The following PIEZO2 variants were observed in gnomAD, a reference collection of about 807,000 sequenced individuals.
PIEZO2 encodes piezo-type mechanosensitive ion channel component 2.
PIEZO2 carries 172 observed loss-of-function variants against 337.3 expected under a neutral mutation model. The observed-to-expected ratio is 0.51, with a 90% confidence interval of 0.45 to 0.58. PIEZO2 has a LOEUF of 0.58. Ranked by LOEUF, PIEZO2 falls within the 20% of genes least tolerant of loss-of-function variation. PIEZO2 has a pLI of 0.00. For synonymous variants in PIEZO2, 1,251 were observed against 1,228.5 expected (o/e 1.02, Z -0.38); for missense variants, 3,028 against 3,391.3 (o/e 0.89, Z 2.66).
chr18:10,702,199 A>G (rs1448311951), intron 42 of PIEZO2, 28 bp from the exon 43 acceptor site: 2 of 1,523,986 alleles, frequency 1.3e-6, no homozygotes, highest in African/African-American at 1.4e-5. Context: ...AAATTTTAAA[A>G]CATTACTCCT....
chr18:10,998,103 A>G (rs1283800679), intron 2 of PIEZO2, among the ~76,000 whole-genome samples: 1 of 152,210 alleles, frequency 6.6e-6, no homozygotes, highest in Non-Finnish European at 1.5e-5. Context: ...ACAGTGGAAC[A>G]ATATCTTTAA....
At chr18:11,030,919 G>A (rs1465125963) in intron 2 of PIEZO2, among the ~76,000 whole-genome samples, 1 of 152,196 alleles carries the variant, frequency 6.6e-6, no homozygotes, top group Non-Finnish European at 1.5e-5. Flanking sequence ...GTATTTATAT[G>A]ATTAGATTAG....
At chr18:11,141,170 C>T (rs543325118) in intron 1 of PIEZO2, among the ~76,000 whole-genome samples, 1 of 152,170 alleles carries the variant, frequency 6.6e-6, no homozygotes, top group Admixed American at 6.5e-5. Flanking sequence ...TCAAGAAGAA[C>T]AGAATTGTCT....
Position 10,855,364 on chromosome 18 carries a change from G to A in PIEZO2, c.906C>T (p.Asp302=), listed in dbSNP as rs757300372. The A allele has an allele frequency of 6.5e-7, 1 of 1,533,824 alleles. No individual in the cohort carries two copies. The highest frequency in any genetic ancestry group is 1.2e-5 in the South Asian group (1 of 83,988). The change falls in exon 7 of 56, where the codon GAC becomes GAT. Residue 302 remains aspartate, a synonymous_variant. Transcript: ENST00000674853. This position sits in a 1 kb window ranked among gnomAD's most constrained non-coding sequence, Gnocchi z 4.9. The part of the protein sequence containing the change: ...QFFQEAVPPN[D]YYARLFGIKS... ...AGGATTTCTCTTACCTTGCATAGTA[G>A]TCATTGGGTGGAACTGCCTCTTGAA...
chr18:11,108,676 T>C (rs960264251), intron 1 of PIEZO2, among the ~76,000 whole-genome samples: 2 of 143,022 alleles, frequency 1.4e-5, no homozygotes, highest in Admixed American at 1.4e-4. Flanking sequence ...GTTTATAACA[T>C]ATTTTCATAT....
rs2040260921 is a variant in PIEZO2 at position 11,128,925 on chromosome 18, ATTGAT to A, written c.64+19595_64+19599del. ...CAAAGAGTTGGATCAGCCTGAATTTATTGATTTGGGTCCACTAAGTAAGGACTCAG... is the reference window on the plus strand; with the variant it reads ...CAAAGAGTTGGATCAGCCTGAATTTATTGGGTCCACTAAGTAAGGACTCAG... On this transcript the variant is annotated intron_variant, in intron 1 of 55. Coordinates refer to ENST00000674853, the MANE Select transcript of PIEZO2 (RefSeq NM_001378183.1). The surrounding 1 kb of genome is among the most constrained non-coding windows in gnomAD (Gnocchi z 4.1). 1.3e-5 allele frequency among the ~76,000 whole-genome samples: 2 copies of A among 152,320 alleles called. No individual in the cohort carries two copies. Among genetic ancestry groups the A allele is most frequent in the South Asian group, 4.1e-4 (2 of 4,826 alleles).
At chr18:10,812,787 G>A (rs1349680140) in intron 7 of PIEZO2, among the ~76,000 whole-genome samples, 1 of 152,096 alleles carries the variant, frequency 6.6e-6, no homozygotes, top group African/African-American at 2.4e-5. Context: ...CAGGGCACTT[G>A]TTTCTGCTCG....
At chr18:10,696,360 G>C in intron 46 of PIEZO2, 32 bp downstream of exon 46, 4 of 1,614,128 alleles carry the variant, frequency 2.5e-6, no homozygotes, top group Non-Finnish European at 3.4e-6. Context: ...CCATGGGTCA[G>C]GGCGGGTGCT....
At chr18:10,770,414 A>C in intron 20 of PIEZO2, 106 bp from the exon 21 acceptor site, 3 of 1,177,080 alleles carry the variant, frequency 2.5e-6, no homozygotes, top group Middle Eastern at 2.2e-4. Flanking sequence ...CAAAATAATT[A>C]CAGTGGATGA....
chr18:11,079,104 T>C (rs549687569), intron 1 of PIEZO2, among the ~76,000 whole-genome samples: 13 of 152,364 alleles, frequency 8.5e-5, no homozygotes, highest in African/African-American at 3.1e-4. Flanking sequence ...TGAGATTGTT[T>C]GATTTTGTGA....
intron 31 of PIEZO2, 150 bp downstream of exon 31, chr18:10,743,992 C>T (rs909376391): frequency 2.4e-5 from 14 of 586,344 alleles, no homozygotes; most frequent in Non-Finnish European, 3.6e-5. Context: ...GAGCAACTGC[C>T]CCCGCACAAG....
chr18:10,916,109 C>T (rs2030926492), intron 3 of PIEZO2, among the ~76,000 whole-genome samples: 1 of 152,116 alleles, frequency 6.6e-6, no homozygotes, highest in Non-Finnish European at 1.5e-5. Context: ...AGACACAGAG[C>T]ACTGATTGGT....
At chr18:10,769,855 C>A in intron 21 of PIEZO2, 1 of 262,176 alleles carries the variant, frequency 3.8e-6, no homozygotes, top group Non-Finnish European at 7.1e-6. Context: ...GATAGATTCC[C>A]ATAGGCAGGG....
At chr18:10,883,884 C>T (rs973703642) in intron 4 of PIEZO2, among the ~76,000 whole-genome samples, 1 of 147,208 alleles carries the variant, frequency 6.8e-6, no homozygotes, top group Non-Finnish European at 1.5e-5. Context: ...GATCTTGGCT[C>T]ACTGCAAACT....
chr18:10,950,140 T>C (rs138874966), intron 3 of PIEZO2, among the ~76,000 whole-genome samples: 3 of 152,330 alleles, frequency 2.0e-5, no homozygotes, highest in Non-Finnish European at 4.4e-5. Context: ...AGGGTTAATA[T>C]TGAAAATAAA....
intron 1 of PIEZO2, among the ~76,000 whole-genome samples, chr18:11,144,835 T>G (rs2040766691): frequency 6.6e-6 from 1 of 151,968 alleles, no homozygotes; most frequent in Non-Finnish European, 1.5e-5. Flanking sequence ...TCCCCTTTCT[T>G]CCCCCTGAAA....
At chr18:10,720,508 A>G (rs2143951725) in intron 36 of PIEZO2, among the ~76,000 whole-genome samples, 1 of 135,656 alleles carries the variant, frequency 7.4e-6, no homozygotes, top group Admixed American at 8.0e-5. Flanking sequence ...CCCAGGTTGG[A>G]GTGCAATGGT....
chr18:11,075,797 T>C (rs1160050719), intron 1 of PIEZO2, among the ~76,000 whole-genome samples: 1 of 149,882 alleles, frequency 6.7e-6, no homozygotes, highest in East Asian at 2.0e-4. Flanking sequence ...TTTTTTTTTT[T>C]TTTTTTTTTG....
rs781084977 is a variant in PIEZO2, at chr18:10,724,891, C to T, written c.5029+6516G>A. 5.2e-5 allele frequency: 83 copies of T among 1,608,922 alleles called. No homozygotes were observed. Among genetic ancestry groups the T allele is most frequent in the Middle Eastern group, 4.4e-4 (2 of 4,560 alleles). On this transcript the variant is annotated intron_variant, in intron 36 of 55. Transcript: ENST00000674853. The surrounding 1 kb of genome is among the most constrained non-coding windows in gnomAD (Gnocchi z 5.8). ...CTACTCTGTAAATAGTACTGGCCGG[C>T]GGGGGCGTGGCACCCTGGGACAGCC...
Sources: allele counts gnomAD v4.1 joint callset (sites outside exome capture counted in the v4.1 genomes callset), GRCh38; gene constraint gnomAD v4.1.1; non-coding constraint Gnocchi (gnomAD v3.1); transcripts MANE v1.5; gene names NCBI Gene and HGNC (gene_info 2026-07-23, HGNC 2026-07-21).